CABP1: variants seen among roughly 807,000 people sequenced by gnomAD.
CABP1 encodes calcium binding protein 1, also known as calcium-binding protein 1.
Under a neutral mutation model 34.3 loss-of-function variants are expected in CABP1, and 17 were observed. That is an observed-to-expected ratio of 0.50 (90% CI 0.34 to 0.74). The LOEUF is 0.74. CABP1 is among the 30% of genes least tolerant of loss of function. CABP1 has a pLI of 0.01. For synonymous variants in CABP1, 198 were observed against 229.2 expected (o/e 0.86, Z 1.23); for missense variants, 373 against 511.1 (o/e 0.73, Z 2.61).
intron 1 of CABP1, among the ~76,000 whole-genome samples, chr12:120,647,384 GAT>G (rs150817442): frequency 0.28 from 29,979 of 105,784 alleles, 3,143 homozygotes; most frequent in African/African-American, 0.42. Flanking sequence ...CAGCAGACAA[GAT>G]TTTTTTTTTT....
chr12:120,672,403 T>C, the CABP1 span, among the ~76,000 whole-genome samples: 5 of 151,768 alleles, frequency 3.3e-5, no homozygotes, highest in Non-Finnish European at 5.9e-5. Context: ...GAGGCCGAAG[T>C]GGGCGGATCA....
the CABP1 span, among the ~76,000 whole-genome samples, chr12:120,674,918 A>AC: frequency 1.3e-5 from 2 of 150,260 alleles, no homozygotes; most frequent in African/African-American, 5.0e-5. Context: ...CAAAAAAAAA[A>AC]AACACCAAAA....
chr12:120,680,639 A>G, the CABP1 span, among the ~76,000 whole-genome samples: 2 of 152,130 alleles, frequency 1.3e-5, no homozygotes, highest in South Asian at 4.1e-4. Flanking sequence ...CTGGGGACTG[A>G]CACTCTTCTC....
At chr12:120,648,833 A>G (rs1879668334) in intron 1 of CABP1, among the ~76,000 whole-genome samples, 1 of 150,962 alleles carries the variant, frequency 6.6e-6, no homozygotes, top group Non-Finnish European at 1.5e-5. Context: ...GTGAGCTGAG[A>G]TTGCGGCACT....
rs1471912646 is a variant in CABP1 at position 120,661,322 on chromosome 12, C to T, written c.1087+104C>T. 74 of 1,374,196 alleles carry T rather than the reference C, an allele frequency of 5.4e-5. No individual in the cohort carries two copies. Among genetic ancestry groups the T allele is most frequent in the Non-Finnish European group, 7.0e-5 (71 of 1,016,232 alleles). 85.1% of individuals were successfully genotyped at this position (1,374,196 alleles called of 1,614,324 possible). A position where few individuals can be genotyped will look rare whatever the true frequency, so the allele number is the denominator to read the frequency against. On this transcript the variant is annotated intron_variant, in intron 5 of 5. Coordinates refer to ENST00000316803, the MANE Select transcript of CABP1 (RefSeq NM_001033677.2). The surrounding 1 kb of genome is among the most constrained non-coding windows in gnomAD (Gnocchi z 5.1). The stretch of plus-strand genomic sequence containing the variant: ...GCAACCATCAATCCGCCCTAATTTT[C>T]CAACCCCCAGCCCTTTCATCCTCTT...
chr12:120,661,366 C>T lies in CABP1; in HGVS notation c.1087+148C>T. 2 of 774,970 alleles carry T rather than the reference C, an allele frequency of 2.6e-6. No homozygotes were observed. Among genetic ancestry groups the T allele is most frequent in the Non-Finnish European group, 4.0e-6 (2 of 497,788 alleles). The allele number at this position is 774,970 out of a possible 1,614,324, so 48.0% of individuals were successfully genotyped here. ...TCCTCTTATCCCTCCGTCCATGCCCCCGTCTAATCCATCTCCCATCCCTTC... is the reference window on the plus strand; with the variant it reads ...TCCTCTTATCCCTCCGTCCATGCCCTCGTCTAATCCATCTCCCATCCCTTC... On this transcript the variant is annotated intron_variant, in intron 5 of 5. Transcript: ENST00000316803. This position sits in a 1 kb window ranked among gnomAD's most constrained non-coding sequence, Gnocchi z 5.1.
chr12:120,664,538 C>T (rs755708629), intron 5 of CABP1, among the ~76,000 whole-genome samples: 6 of 152,032 alleles, frequency 3.9e-5, no homozygotes, highest in Non-Finnish European at 5.9e-5. Context: ...GATAAATAAA[C>T]GGGGGCACAT....
chr12:120,646,743 C>T (rs1347008808), intron 1 of CABP1, among the ~76,000 whole-genome samples: 2 of 152,068 alleles, frequency 1.3e-5, no homozygotes, highest in Non-Finnish European at 2.9e-5. Context: ...GAACTCCTGG[C>T]CTCAACTGAT....
At chr12:120,649,624 C>T (rs1879717631) in intron 1 of CABP1, among the ~76,000 whole-genome samples, 1 of 152,106 alleles carries the variant, frequency 6.6e-6, no homozygotes, top group African/African-American at 2.4e-5. Context: ...GTGGATGAGG[C>T]AGGGGGCGAG....
chr12:120,659,932 A>G (rs200270630), intron 2 of CABP1, 24 bp downstream of exon 2: 161 of 1,611,682 alleles, frequency 1.0e-4, no homozygotes, highest in Admixed American at 2.5e-4. Context: ...CCTTGGGGGA[A>G]AGGACTGCCT....
At chr12:120,644,443 C>G (rs896679853) in intron 1 of CABP1, among the ~76,000 whole-genome samples, 1 of 152,162 alleles carries the variant, frequency 6.6e-6, no homozygotes, top group African/African-American at 2.4e-5. Flanking sequence ...TTGTGGCCAG[C>G]TAAGGACATG....
chr12:120,663,838 T>A (rs1004295354), intron 5 of CABP1, among the ~76,000 whole-genome samples: 2 of 152,182 alleles, frequency 1.3e-5, no homozygotes, highest in African/African-American at 4.8e-5. Flanking sequence ...CACAGCAGAA[T>A]GCAGTCTTGT....
chr12:120,666,687 T>C (rs1189405798), intron 5 of CABP1, among the ~76,000 whole-genome samples, 188 bp from the exon 6 acceptor site: 1 of 152,132 alleles, frequency 6.6e-6, no homozygotes, highest in African/African-American at 2.4e-5. Context: ...GTGGGAGGTT[T>C]ACGCAGCGGT....
At chr12:120,669,765 A>C (rs1327701266), downstream of CABP1, among the ~76,000 whole-genome samples, 1 of 151,864 alleles carries the variant, frequency 6.6e-6, no homozygotes. Context: ...AAAAAAAAAA[A>C]AGAATCATAG....
intron 1 of CABP1, among the ~76,000 whole-genome samples, chr12:120,656,524 G>GT (rs1281168470): frequency 6.6e-6 from 1 of 152,216 alleles, no homozygotes; most frequent in Non-Finnish European, 1.5e-5. Context: ...TGCCTAGTGT[G>GT]TTGGCGGATT....
chr12:120,673,164 T>C, the CABP1 span, among the ~76,000 whole-genome samples: 2 of 152,182 alleles, frequency 1.3e-5, no homozygotes, highest in Non-Finnish European at 2.9e-5. Flanking sequence ...GAGGAGCTTC[T>C]GGGGTGTCTG....
chr12:120,671,754 G>C (rs73225003), downstream of CABP1, among the ~76,000 whole-genome samples: 6,236 of 152,328 alleles, frequency 0.041, 184 homozygotes, highest in South Asian at 0.11. Context: ...GTGGTTAAAA[G>C]CATGAGTTCT....
At chr12:120,659,820 T>C in intron 1 of CABP1, 58 bp from the exon 2 acceptor site, 1 of 1,577,804 alleles carries the variant, frequency 6.3e-7, no homozygotes. Flanking sequence ...CCAGGTTAGG[T>C]ATTTTGTGAC....
At chr12:120,653,437 A>C (rs1300344573) in intron 1 of CABP1, among the ~76,000 whole-genome samples, 1 of 152,234 alleles carries the variant, frequency 6.6e-6, no homozygotes, top group Non-Finnish European at 1.5e-5. Context: ...TCACACAGCA[A>C]GCAAGTGGCA....
Sources: allele counts gnomAD v4.1 joint callset (sites outside exome capture counted in the v4.1 genomes callset), GRCh38; gene constraint gnomAD v4.1.1; non-coding constraint Gnocchi (gnomAD v3.1); transcripts MANE v1.5; gene names NCBI Gene and HGNC (gene_info 2026-07-23, HGNC 2026-07-21).